The following SNX25 variants were observed in gnomAD, a reference collection of about 807,000 sequenced individuals.
SNX25 encodes sorting nexin-25.
SNX25 carries 62 observed loss-of-function variants against 113.7 expected under a neutral mutation model. The ratio of observed to expected loss-of-function variants is 0.55; its 90% CI spans 0.44 to 0.67. The LOEUF is 0.67. SNX25 is among the 30% of genes least tolerant of loss of function. The pLI, the probability that SNX25 is intolerant of heterozygous loss-of-function variation, is 0.00. For missense variants in SNX25, 1,014 were observed against 1,161.0 expected (o/e 0.87, Z 1.84); for synonymous variants, 421 against 436.2 (o/e 0.97, Z 0.43).
intron 5 of SNX25, among the ~76,000 whole-genome samples, chr4:185,276,982 GAAT>G (rs1471936161): frequency 6.6e-6 from 1 of 152,154 alleles, no homozygotes; most frequent in Non-Finnish European, 1.5e-5. Flanking sequence ...CTTATGTATG[GAAT>G]GAAGCATCAA....
At chr4:185,250,225 T>C (rs992978943) in intron 2 of SNX25, among the ~76,000 whole-genome samples, 2 of 152,244 alleles carry the variant, frequency 1.3e-5, no homozygotes, top group African/African-American at 4.8e-5. Flanking sequence ...TTAACTCCTC[T>C]GGTTCATGGC....
chr4:185,215,114 A>G (rs1738581820), intron 1 of SNX25, among the ~76,000 whole-genome samples: 1 of 152,158 alleles, frequency 6.6e-6, no homozygotes, highest in African/African-American at 2.4e-5. Flanking sequence ...CTGTAGTCCC[A>G]GCTACTCGGG....
At chr4:185,245,582 A>G (rs1465564699) in intron 1 of SNX25, among the ~76,000 whole-genome samples, 1 of 152,066 alleles carries the variant, frequency 6.6e-6, no homozygotes, top group Admixed American at 6.6e-5. Flanking sequence ...CAAGTGATCC[A>G]CCAGCCTCGG....
intron 2 of SNX25, among the ~76,000 whole-genome samples, chr4:185,256,981 A>G (rs1158353697): frequency 2.0e-5 from 3 of 151,702 alleles, no homozygotes; most frequent in Non-Finnish European, 2.9e-5. Context: ...TATAAAATGA[A>G]CCCCAAATTC....
intron 6 of SNX25, among the ~76,000 whole-genome samples, chr4:185,303,753 C>T (rs1299390387): frequency 1.3e-5 from 2 of 151,878 alleles, no homozygotes; most frequent in African/African-American, 4.8e-5. Flanking sequence ...TACTCTTCTC[C>T]ATCATAAAGT....
chr4:185,270,092 A>G (rs951747553), intron 5 of SNX25, among the ~76,000 whole-genome samples: 2 of 152,048 alleles, frequency 1.3e-5, no homozygotes, highest in African/African-American at 2.4e-5. Flanking sequence ...AAAAAAAAAA[A>G]AAAAATCCCA....
intron 13 of SNX25, among the ~76,000 whole-genome samples, chr4:185,349,230 T>C (rs2095303616): frequency 6.6e-6 from 1 of 152,202 alleles, no homozygotes; most frequent in Admixed American, 6.5e-5. Context: ...TTCACAAATT[T>C]GCATTGGGCT....
chr4:185,319,812 G>C (rs1422709641), intron 7 of SNX25, among the ~76,000 whole-genome samples: 1 of 152,048 alleles, frequency 6.6e-6, no homozygotes, highest in Non-Finnish European at 1.5e-5. Flanking sequence ...TGTAGTAAGA[G>C]GTATTTCAGT....
chr4:185,362,541 C>A (rs1023202450), intron 17 of SNX25, 70 bp from the exon 18 acceptor site: 1 of 1,431,394 alleles, frequency 7.0e-7, no homozygotes, highest in African/African-American at 1.4e-5. Flanking sequence ...ATGTTGTATT[C>A]CTTTCACTGC....
At chr4:185,375,870 G>C in the SNX25 span, 1 of 484,896 alleles carries the variant, frequency 2.1e-6, no homozygotes, top group Non-Finnish European at 3.7e-6. Context: ...GCCCCACGCT[G>C]AGGAAGCATG....
At chr4:185,224,437 AG>A (rs1740532676) in intron 1 of SNX25, among the ~76,000 whole-genome samples, 1 of 67,944 alleles carries the variant, frequency 1.5e-5, no homozygotes, top group African/African-American at 5.8e-5. Flanking sequence ...AAAAATATAT[AG>A]ATATATAAAT....
chr4:185,351,564 C>A lies in SNX25; in HGVS notation c.2421C>A (p.Ser807=). The A allele has an allele frequency of 1.2e-6, 2 of 1,614,120 alleles. No individual in the cohort carries two copies. Among genetic ancestry groups the A allele is most frequent in the Non-Finnish European group, 1.7e-6 (2 of 1,180,034 alleles). The stretch of plus-strand genomic sequence containing the variant: ...GGAAAAAAAATTCTTTTTCATTATC[C>A]TCATTTTTGGAAAGACTTCCTCGCG... ...VQGKKNSFSL[S]SFLERLPRDF... is the part of the protein sequence containing the mutation. Residue 807 remains serine (S), a synonymous_variant, in exon 14 of 19, where the codon TCC becomes TCA. Transcript: ENST00000652585.
the SNX25 span, chr4:185,376,951 GTC>G: frequency 3.7e-6 from 6 of 1,613,766 alleles, no homozygotes; most frequent in African/African-American, 5.3e-5. Context: ...ATGCCAGAGT[GTC>G]TCCTTTCAGT....
chr4:185,318,946 A>G (rs868788781), intron 7 of SNX25, among the ~76,000 whole-genome samples: 7 of 152,080 alleles, frequency 4.6e-5, no homozygotes, highest in Middle Eastern at 3.4e-3. Context: ...ACAGGTAGCT[A>G]CTCTGTGTTT....
At chr4:185,242,469 G>C (rs1744214333) in intron 1 of SNX25, among the ~76,000 whole-genome samples, 1 of 152,200 alleles carries the variant, frequency 6.6e-6, no homozygotes, top group Admixed American at 6.5e-5. Context: ...TTTGGGTTCA[G>C]TTAATTTGCT....
chr4:185,355,311 C>T (rs559268884), intron 15 of SNX25, among the ~76,000 whole-genome samples: 2 of 152,254 alleles, frequency 1.3e-5, no homozygotes, highest in East Asian at 3.9e-4. Context: ...TATATAATGT[C>T]AATCATCAAA....
intron 6 of SNX25, among the ~76,000 whole-genome samples, chr4:185,297,498 C>T (rs1002588210): frequency 1.3e-5 from 2 of 152,220 alleles, no homozygotes; most frequent in Non-Finnish European, 2.9e-5. Flanking sequence ...CATAAAGTCT[C>T]ACATAGCTGG....
At chr4:185,237,525 A>G (rs1742817430) in intron 1 of SNX25, among the ~76,000 whole-genome samples, 1 of 151,930 alleles carries the variant, frequency 6.6e-6, no homozygotes, top group East Asian at 1.9e-4. Context: ...AAACCCCTCA[A>G]TCAACCCACT....
Position 185,338,503 on chromosome 4 carries a change from G to T in SNX25, c.1915-876G>T, listed in dbSNP as rs530975916. Among the ~76,000 whole-genome samples the T allele has an allele frequency of 2.6e-5, 4 of 152,136 alleles. No homozygotes were observed. In the South Asian group the frequency reaches 6.2e-4, roughly 24 times the overall value. ...GGGTTTTGCCATGTTGGCCAGGTTG[G>T]TCTCCAACTCCTGACCTCAGGTGAT... On this transcript the variant is annotated intron_variant, in intron 10 of 18. Transcript: ENST00000652585.
Sources: allele counts gnomAD v4.1 joint callset (sites outside exome capture counted in the v4.1 genomes callset), GRCh38; gene constraint gnomAD v4.1.1; transcripts MANE v1.5; gene names NCBI Gene and HGNC (gene_info 2026-07-23, HGNC 2026-07-21).